The following PUM1 variants were observed in gnomAD, a reference collection of about 807,000 sequenced individuals.
PUM1 encodes pumilio homolog 1.
A neutral mutation model predicts 131.8 loss-of-function variants in PUM1; 13 were observed. That is an observed-to-expected ratio of 0.10 (90% confidence interval 0.06 to 0.16). The LOEUF is 0.16. Among genes scored for constraint, PUM1 ranks in the 10% least tolerant of loss-of-function variants. The pLI, the probability that PUM1 is intolerant of heterozygous loss-of-function variation, is 1.00. For missense variants in PUM1, 961 were observed against 1,512.4 expected, an observed-to-expected ratio of 0.64 and a Z score of 6.05; for synonymous variants, 509 against 556.5, an observed-to-expected ratio of 0.91 and a Z score of 1.20.
chr1:30,951,875 G>C (rs1008392566), intron 16 of PUM1, among the ~76,000 whole-genome samples: 1 of 152,246 alleles, frequency 6.6e-6, no homozygotes, highest in East Asian at 1.9e-4. Flanking sequence ...TTTGTTTTTG[G>C]CAATATTTTA....
intron 6 of PUM1, among the ~76,000 whole-genome samples, chr1:30,994,831 T>C (rs575465245): frequency 6.3e-4 from 96 of 152,338 alleles, no homozygotes; most frequent in Non-Finnish European, 1.0e-3. Flanking sequence ...TCTATGCAAA[T>C]GCAAAATCTA....
chr1:31,032,773 C>T (rs184685506), intron 2 of PUM1, among the ~76,000 whole-genome samples: 113 of 152,272 alleles, frequency 7.4e-4, no homozygotes, highest in African/African-American at 2.6e-3. Context: ...CACCACTACA[C>T]TCCAGCCTGG....
At chr1:30,936,877 C>A (rs1310800587) in intron 20 of PUM1, 42 bp from the exon 21 acceptor site, 2 of 1,503,020 alleles carry the variant, frequency 1.3e-6, no homozygotes, top group East Asian at 2.3e-5. Context: ...ACAAGAGAGG[C>A]CCCTGTTAGT....
At chr1:30,989,090 A>C (rs150992403) in intron 7 of PUM1, among the ~76,000 whole-genome samples, 234 of 152,320 alleles carry the variant, frequency 1.5e-3, no homozygotes, top group African/African-American at 5.4e-3. Context: ...CATTTCCTAT[A>C]GGCAACACAG....
chr1:30,980,822 C>T (rs945494142), intron 8 of PUM1, among the ~76,000 whole-genome samples: 1 of 152,102 alleles, frequency 6.6e-6, no homozygotes, highest in Admixed American at 6.5e-5. Context: ...ATGAATACAT[C>T]GCTCAAAACT....
At chr1:30,982,190 T>C (rs1031159668) in intron 7 of PUM1, 3 of 152,202 alleles carry the variant, frequency 2.0e-5, no homozygotes, top group Admixed American at 2.0e-4. Context: ...AAAAGAAAGT[T>C]CAAAGGCCTT....
At position 30,942,390 on chromosome 1, in the gene PUM1, C is replaced by T. The variant is rs117327870; in HGVS notation, c.2995-267G>A. 5.4e-3 allele frequency among the ~76,000 whole-genome samples: 812 copies of T among 151,212 alleles called. 6 individuals are homozygous for T. Among genetic ancestry groups the T allele is most frequent in the East Asian group, 0.033 (167 of 5,120 alleles). On this transcript the variant is annotated intron_variant, in intron 18 of 21. Coordinates refer to ENST00000426105, the MANE Select transcript of PUM1 (RefSeq NM_001020658.2). ...AGAGCTGAAAAGGACTTTTCCAAGC[C>T]GCCAAGAAACAGATAGCTAGTCAAA... is the stretch of plus-strand genomic sequence containing the variant.
intron 2 of PUM1, among the ~76,000 whole-genome samples, chr1:31,041,711 C>CA (rs1643821200): frequency 6.6e-6 from 1 of 152,184 alleles, no homozygotes; most frequent in South Asian, 2.1e-4. Context: ...TGCCTTCTGC[C>CA]ATGAGTAAAA....
intron 2 of PUM1, among the ~76,000 whole-genome samples, chr1:31,032,428 A>T (rs1326858735): frequency 6.6e-6 from 1 of 152,218 alleles, no homozygotes; most frequent in Admixed American, 6.5e-5. Context: ...TGCTCCCATC[A>T]AGGTAGAATA....
Position 31,065,658 on chromosome 1 carries a change from T to G in PUM1, c.-54A>C, listed in dbSNP as rs781702916. On this transcript the variant is annotated 5_prime_UTR_variant, in exon 1 of 22. Coordinates refer to ENST00000426105, the MANE Select transcript of PUM1 (RefSeq NM_001020658.2). Reference sequence around the variant, plus strand: ...GAAGATGGATTTCAGCCCCCCGATCTTCTCTCTCTGGCGCTCTCGCTCCCC... The same window carrying G: ...GAAGATGGATTTCAGCCCCCCGATCGTCTCTCTCTGGCGCTCTCGCTCCCC... 5 of 1,549,644 alleles carry G rather than the reference T, an allele frequency of 3.2e-6. No homozygotes were observed. The highest frequency in any genetic ancestry group is 3.3e-4 in the Middle Eastern group (2 of 5,990).
intron 18 of PUM1, among the ~76,000 whole-genome samples, chr1:30,942,621 G>GA (rs1302729290): frequency 2.0e-5 from 3 of 152,120 alleles, no homozygotes; most frequent in African/African-American, 7.2e-5. Context: ...TGGAGCAATA[G>GA]AAAAGCACAC....
chr1:31,032,570 TTAA>T (rs1557595697), intron 2 of PUM1, among the ~76,000 whole-genome samples: 3 of 46,134 alleles, frequency 6.5e-5, no homozygotes, highest in Non-Finnish European at 5.2e-5. Flanking sequence ...GATCTTTTTT[TTAA>T]AAAAAAAAAA....
chr1:30,955,113 A>G (rs893419951), intron 14 of PUM1, among the ~76,000 whole-genome samples: 1 of 151,730 alleles, frequency 6.6e-6, no homozygotes, highest in African/African-American at 2.4e-5. Flanking sequence ...AAACAAACAA[A>G]CAGAAAAAAA....
intron 2 of PUM1, among the ~76,000 whole-genome samples, chr1:31,038,984 A>ATATATATATATATATTTTTTTTTTTTTTT: frequency 4.0e-5 from 2 of 49,422 alleles, no homozygotes; most frequent in Admixed American, 2.2e-4. Context: ...ATATATATAT[A>ATATATATATATATATTTTTTTTTTTTTTT]TTTTTTTTTT....
intron 3 of PUM1, among the ~76,000 whole-genome samples, chr1:31,026,813 T>C (rs1471269997): frequency 6.6e-6 from 1 of 152,206 alleles, no homozygotes; most frequent in Non-Finnish European, 1.5e-5. Context: ...GATTGATAAA[T>C]GGTAGTTGTT....
At chr1:31,049,852 C>CA (rs1433418880) in intron 2 of PUM1, among the ~76,000 whole-genome samples, 7 of 94,298 alleles carry the variant, frequency 7.4e-5, no homozygotes, top group African/African-American at 2.5e-4. Context: ...TTTTTTGAGA[C>CA]AGAGTCTTGC....
chr1:31,019,058 T>C (rs1302512865), intron 3 of PUM1, among the ~76,000 whole-genome samples: 3 of 152,238 alleles, frequency 2.0e-5, no homozygotes, highest in African/African-American at 7.2e-5. Flanking sequence ...GCTTTTAAAT[T>C]TTAGGACAAC....
intron 14 of PUM1, among the ~76,000 whole-genome samples, chr1:30,954,869 C>T (rs1640083186): frequency 6.6e-6 from 1 of 151,704 alleles, no homozygotes; most frequent in Non-Finnish European, 1.5e-5. Flanking sequence ...TCGAGACCAG[C>T]CTGGACAACA....
chr1:30,974,580 C>T (rs1641062269), intron 10 of PUM1, 71 bp downstream of exon 10: 1 of 1,415,886 alleles, frequency 7.1e-7, no homozygotes, highest in Non-Finnish European at 9.5e-7. Flanking sequence ...CTATTAGGCG[C>T]AATATTACCT....
Sources: allele counts gnomAD v4.1 joint callset (sites outside exome capture counted in the v4.1 genomes callset), GRCh38; gene constraint gnomAD v4.1.1; transcripts MANE v1.5; gene names NCBI Gene and HGNC (gene_info 2026-07-23, HGNC 2026-07-21).